Variants in OR4C46 observed in about 807,000 individuals in gnomAD.
The protein encoded by OR4C46 is olfactory receptor family 4 subfamily C member 46.
In OR4C46, 17 loss-of-function variants were observed where a neutral mutation model predicts 11.8. The observed-to-expected ratio is 1.44, with a 90% CI of 0.98 to 2.16. The LOEUF is 2.16. OR4C46 is among the 30% of genes most tolerant of loss of function. OR4C46 has a pLI of 0.00. For synonymous variants in OR4C46, 224 were observed against 137.6 expected (o/e 1.63, Z -4.39); for missense variants, 606 against 372.1 (o/e 1.63, Z -5.17).
Position 54,603,410 on chromosome 11 carries a change from T to A in OR4C46, c.589A>T (p.Ile197Phe). 6.2e-7 allele frequency: 1 copy of A among 1,613,750 alleles called. No homozygotes were observed. Among genetic ancestry groups the A allele is most frequent in the East Asian group, 2.2e-5 (1 of 44,844 alleles). Residue 197 changes from isoleucine to phenylalanine, a missense_variant, in exon 1 of 1, where the codon ATT becomes TTT. Coordinates refer to ENST00000328188, the MANE Select transcript of OR4C46 (RefSeq NM_001004703.1). ...CTDTHMLELF[I>F]AANSGFICLL... Reference sequence around the variant, plus strand: ...CAGATGAATCCACTGTTGGCAGCAATGAAGAGTTCCAGCATATGGGTGTCA... The same window carrying A: ...CAGATGAATCCACTGTTGGCAGCAAAGAAGAGTTCCAGCATATGGGTGTCA...
chr11:54,603,948 C>T lies in OR4C46; in HGVS notation c.51G>A (p.Glu17=). ...ATATGATTTTCTGCATCTTTGGATT[C>T]TCTGTAAGCCCCAGCAAAACAAACT... is the stretch of plus-strand genomic sequence containing the variant. ...MTEFVLLGLT[E]NPKMQKIIFV... Residue 17 remains glutamate (E), a synonymous_variant, in exon 1 of 1, where the codon GAG becomes GAA. Coordinates refer to ENST00000328188, the MANE Select transcript of OR4C46 (RefSeq NM_001004703.1). 6.2e-7 allele frequency: 1 copy of T among 1,613,772 alleles called. No individual in the cohort carries two copies. Among genetic ancestry groups the T allele is most frequent in the Non-Finnish European group, 8.5e-7 (1 of 1,179,772 alleles).
rs543950860 is a variant in OR4C46 at position 54,603,443 on chromosome 11, C to G, written c.556G>C (p.Ala186Pro). Reference protein sequence around the residue: ...MCDLNPLLNLACTDTHMLELF... With the variant: ...MCDLNPLLNLPCTDTHMLELF... The stretch of plus-strand genomic sequence containing the variant: ...TCCAGCATATGGGTGTCAGTGCAGG[C>G]GAGGTTGAGCAAAGGGTTCAGATCA... The change falls in exon 1 of 1, where the codon GCC (alanine) becomes CCC (proline). Residue 186 changes from alanine (A) to proline (P), a missense_variant. Coordinates refer to ENST00000328188, the MANE Select transcript of OR4C46 (RefSeq NM_001004703.1). 5 of 1,613,442 alleles carry G rather than the reference C, an allele frequency of 3.1e-6. No individual in the cohort carries two copies. The highest frequency in any genetic ancestry group is 2.7e-5 in the African/African-American group (2 of 74,808).
Position 54,603,141 on chromosome 11 carries a change from G to A in OR4C46, c.858C>T (p.Thr286=), listed in dbSNP as rs1290535674. Residue 286 remains threonine, a synonymous_variant, in exon 1 of 1, where the codon ACC becomes ACT. Transcript: ENST00000328188. ...ITPMLNPLIY[T]LKNAQMKNAI... ...CATTTTTCATCTGGGCATTCTTCAA[G>A]GTATAGATTAAGGGGTTTAACATAG... 13 of 1,463,370 alleles carry A rather than the reference G, an allele frequency of 8.9e-6. No homozygotes were observed. Among genetic ancestry groups the A allele is most frequent in the Non-Finnish European group, 1.2e-5 (13 of 1,048,206 alleles). The allele number at this position is 1,463,370 out of a possible 1,614,324, so 90.6% of individuals were successfully genotyped here. A position where few individuals can be genotyped will look rare whatever the true frequency, so the allele number is the denominator to read the frequency against.
Position 54,603,595 on chromosome 11 carries a change from T to C in OR4C46, c.404A>G (p.Asn135Ser). 1.2e-6 allele frequency: 2 copies of C among 1,614,066 alleles called. No individual in the cohort carries two copies. Among genetic ancestry groups the C allele is most frequent in the Non-Finnish European group, 1.7e-6 (2 of 1,179,962 alleles). Residue 135 changes from asparagine to serine, a missense_variant, in exon 1 of 1, where the codon AAC becomes AGC. Physicochemically the swap from Asn to Ser is conservative, Grantham distance 46. Transcript: ENST00000328188. ...CATTAGCAGGGCACACACACACTGG[T>C]TCATGATAGTCATATAGTGCAAGGG... Reference protein sequence around the residue: ...CKPLHYMTIMNQCVCALLMGV... With the variant: ...CKPLHYMTIMSQCVCALLMGV...
chr11:54,603,642 G>T lies in OR4C46; in HGVS notation c.357C>A (p.Asp119Glu), dbSNP rs760902808. 7 of 1,614,018 alleles carry T rather than the reference G, an allele frequency of 4.3e-6. No individual in the cohort carries two copies. Among genetic ancestry groups the T allele is most frequent in the Middle Eastern group, 3.3e-4 (2 of 6,058 alleles). Reference protein sequence around the residue: ...EGILLTVMAYDHYVAICKPLH... With the variant: ...EGILLTVMAYEHYVAICKPLH... ...AGGGCTTGCAGATGGCCACATAGTG[G>T]TCATAGGCCATCACAGTAAGTAGGA... Residue 119 changes from aspartate to glutamate, a missense_variant, in exon 1 of 1, where the codon GAC (aspartate) becomes GAA (glutamate). Coordinates refer to ENST00000328188, the MANE Select transcript of OR4C46 (RefSeq NM_001004703.1).
chr11:54,603,980 T>G lies in OR4C46; in HGVS notation c.19A>C (p.Met7Leu). The change falls in exon 1 of 1, where the codon ATG becomes CTG. Residue 7 changes from methionine (M) to leucine (L), a missense_variant. Met to Leu is a conservative substitution (Grantham distance 15, BLOSUM62 2). Coordinates refer to ENST00000328188, the MANE Select transcript of OR4C46 (RefSeq NM_001004703.1). MENRNN[M>L]TEFVLLGLTE... ...AGCCCCAGCAAAACAAACTCTGTCA[T>G]GTTATTCCTATTCTCCATGTATTTC... is the stretch of plus-strand genomic sequence containing the variant. 6.2e-7 allele frequency: 1 copy of G among 1,612,566 alleles called. No individual in the cohort carries two copies. The highest frequency in any genetic ancestry group is 8.5e-7 in the Non-Finnish European group (1 of 1,178,624).
Position 54,603,332 on chromosome 11 carries a change from G to T in OR4C46, c.667C>A (p.Leu223Ile). ...LVSYVVILCS[L>I]RTHSLEARHK... ...CTTGCCTCCAAGCTATGAGTCCTTA[G>T]GGAGCACAAGATGACCACATAGGAG... The change falls in exon 1 of 1, where the codon CTA (leucine) becomes ATA (isoleucine). Residue 223 changes from leucine (L) to isoleucine (I), a missense_variant. Transcript: ENST00000328188. 6.2e-7 allele frequency: 1 copy of T among 1,613,704 alleles called. No homozygotes were observed. Among genetic ancestry groups the T allele is most frequent in the Non-Finnish European group, 8.5e-7 (1 of 1,179,798 alleles).
At position 54,603,745 on chromosome 11, in the gene OR4C46, T is replaced by C. The variant is rs200615229; in HGVS notation, c.254A>G (p.Tyr85Cys). 59 of 1,613,824 alleles carry C rather than the reference T, an allele frequency of 3.7e-5. No homozygotes were observed. In the African/African-American group the frequency reaches 5.9e-4, roughly 16 times the overall value. ...ATTGAATAGGATGGCCTTCTTTCCA[T>C]AGAGTGAATGTGTGATCAGGTTAGG... The part of the protein sequence containing the change: ...NTPNLITHSL[Y>C]GKKAILFNGC... The change falls in exon 1 of 1, where the codon TAT becomes TGT. Residue 85 changes from tyrosine (Y) to cysteine (C), a missense_variant. Coordinates refer to ENST00000328188, the MANE Select transcript of OR4C46 (RefSeq NM_001004703.1).
In OR4C46 at chr11:54,603,223, G is replaced by T. The variant is rs756402712; in HGVS notation, c.776C>A (p.Pro259His). The change falls in exon 1 of 1, where the codon CCT becomes CAT. Residue 259 changes from proline (P) to histidine (H), a missense_variant. Coordinates refer to ENST00000328188, the MANE Select transcript of OR4C46 (RefSeq NM_001004703.1). ...TTTATCAATAGGTAAAGTAGCTGCA[G>T]GTCTCATGTACACAAATATGCAGGG... ...FVPCIFVYMR[P>H]AATLPIDKAV... 4.3e-6 allele frequency: 7 copies of T among 1,610,522 alleles called. No homozygotes were observed. The African/African-American group carries it at 5.3e-5, about 12-fold the overall frequency.
chr11:54,603,205 A>T lies in OR4C46; in HGVS notation c.794T>A (p.Ile265Asn), dbSNP rs1300116991. 2 of 1,605,354 alleles carry T rather than the reference A, an allele frequency of 1.2e-6. No individual in the cohort carries two copies. Among genetic ancestry groups the T allele is most frequent in the Admixed American group, 3.3e-5 (2 of 59,936 alleles). Reference protein sequence around the residue: ...VYMRPAATLPIDKAVAIFYTM... With the variant: ...VYMRPAATLPNDKAVAIFYTM... ...GTAGAATATAGCAACTGCTTTATCA[A>T]TAGGTAAAGTAGCTGCAGGTCTCAT... The change falls in exon 1 of 1, where the codon ATT becomes AAT. Residue 265 changes from isoleucine (I) to asparagine (N), a missense_variant. Physicochemically the swap from Ile to Asn is moderately radical, Grantham distance 149. Transcript: ENST00000328188.
Position 54,603,624 on chromosome 11 carries a change from G to T in OR4C46, c.375C>A (p.Cys125Ter), listed in dbSNP as rs752449130. 1.9e-6 allele frequency: 3 copies of T among 1,614,138 alleles called. No individual in the cohort carries two copies. Among genetic ancestry groups the T allele is most frequent in the South Asian group, 1.1e-5 (1 of 91,086 alleles). ...TGATAGTCATATAGTGCAAGGGCTTGCAGATGGCCACATAGTGGTCATAGG... is the reference window on the plus strand; with the variant it reads ...TGATAGTCATATAGTGCAAGGGCTTTCAGATGGCCACATAGTGGTCATAGG... Reference protein sequence around the residue: ...VMAYDHYVAICKPLHYMTIMN... With the variant: ...VMAYDHYVAI Residue 125 changes from cysteine to a stop codon, truncating the protein, a stop_gained, in exon 1 of 1, where the codon TGC (cysteine) becomes TGA (stop). Transcript: ENST00000328188. LOFTEE classifies it high-confidence loss of function.
In OR4C46 at chr11:54,603,602, T is replaced by C. The variant is rs762940293; in HGVS notation, c.397A>G (p.Ile133Val). 11 of 1,613,982 alleles carry C rather than the reference T, an allele frequency of 6.8e-6. 1 individual carries two copies. The South Asian group carries it at 9.9e-5, about 14-fold the overall frequency. The change falls in exon 1 of 1, where the codon ATC (isoleucine) becomes GTC (valine). Residue 133 changes from isoleucine to valine, a missense_variant. By Grantham distance (29) the Ile-to-Val change is conservative (BLOSUM62 3). Coordinates refer to ENST00000328188, the MANE Select transcript of OR4C46 (RefSeq NM_001004703.1). ...AGGGCACACACACACTGGTTCATGA[T>C]AGTCATATAGTGCAAGGGCTTGCAG... ...AICKPLHYMTIMNQCVCALLM... is the reference protein window; with the variant it reads ...AICKPLHYMTVMNQCVCALLM...
At position 54,603,814 on chromosome 11, in the gene OR4C46, G is replaced by T. The variant is rs777103481; in HGVS notation, c.185C>A (p.Ala62Asp). 4 of 1,613,570 alleles carry T rather than the reference G, an allele frequency of 2.5e-6. No homozygotes were observed. The highest frequency in any genetic ancestry group is 2.2e-5 in the East Asian group (1 of 44,874). ...GCAGGCATCAATAAAGGAGAGATAG[G>T]CCAGGGAAAGGTACATGGGGGACCC... ...SLGSPMYLSL[A>D]YLSFIDACYS... Residue 62 changes from alanine (A) to aspartate (D), a missense_variant, in exon 1 of 1, where the codon GCC (alanine) becomes GAC (aspartate). By Grantham distance (126) the Ala-to-Asp change is moderately radical. Coordinates refer to ENST00000328188, the MANE Select transcript of OR4C46 (RefSeq NM_001004703.1).
In OR4C46 at chr11:54,603,580, G is replaced by T. The variant is rs959220684; in HGVS notation, c.419C>A (p.Ala140Asp). The T allele has an allele frequency of 1.2e-6, 2 of 1,613,994 alleles. No individual in the cohort carries two copies. The highest frequency in any genetic ancestry group is 2.2e-5 in the South Asian group (2 of 91,060). The change falls in exon 1 of 1, where the codon GCC (alanine) becomes GAC (aspartate). Residue 140 changes from alanine to aspartate, a missense_variant. Transcript: ENST00000328188. Reference sequence around the variant, plus strand: ...CATCCACACCACTCCCATTAGCAGGGCACACACACACTGGTTCATGATAGT... The same window carrying T: ...CATCCACACCACTCCCATTAGCAGGTCACACACACACTGGTTCATGATAGT... ...YMTIMNQCVC[A>D]LLMGVVWMGG...
rs771873723 is a variant in OR4C46 at position 54,603,769 on chromosome 11, G to T, written c.230C>A (p.Pro77His). 16 of 1,613,618 alleles carry T rather than the reference G, an allele frequency of 9.9e-6. No individual in the cohort carries two copies. Among genetic ancestry groups the T allele is most frequent in the Middle Eastern group, 1.6e-4 (1 of 6,078 alleles). ...IDACYSSVNT[P>H]NLITHSLYGK... The stretch of plus-strand genomic sequence containing the variant: ...ATAGAGTGAATGTGTGATCAGGTTA[G>T]GGGTATTGACAGAGGAATAGCAGGC... Residue 77 changes from proline to histidine, a missense_variant, in exon 1 of 1, where the codon CCT becomes CAT. Coordinates refer to ENST00000328188, the MANE Select transcript of OR4C46 (RefSeq NM_001004703.1).
Position 54,603,563 on chromosome 11 carries a change from C to A in OR4C46, c.436G>T (p.Val146Leu), listed in dbSNP as rs774148661. Residue 146 changes from valine (V) to leucine (L), a missense_variant, in exon 1 of 1, where the codon GTG becomes TTG. Coordinates refer to ENST00000328188, the MANE Select transcript of OR4C46 (RefSeq NM_001004703.1). ...QCVCALLMGVVWMGGFLHATI... is the reference protein window; with the variant it reads ...QCVCALLMGVLWMGGFLHATI... ...GCATGAAGAAAGCCTCCCATCCACA[C>A]CACTCCCATTAGCAGGGCACACACA... The A allele has an allele frequency of 3.2e-5, 51 of 1,613,902 alleles. No homozygotes were observed. The highest frequency in any genetic ancestry group is 8.8e-5 in the South Asian group (8 of 91,078).
In OR4C46 at chr11:54,603,219, T is replaced by C; in HGVS notation, c.780A>G (p.Ala260=). 6.2e-7 allele frequency: 1 copy of C among 1,610,290 alleles called. No individual in the cohort carries two copies. The highest frequency in any genetic ancestry group is 8.5e-7 in the Non-Finnish European group (1 of 1,176,778). Residue 260 remains alanine (A), a synonymous_variant, in exon 1 of 1, where the codon GCA becomes GCG. Coordinates refer to ENST00000328188, the MANE Select transcript of OR4C46 (RefSeq NM_001004703.1). Reference sequence around the variant, plus strand: ...CTGCTTTATCAATAGGTAAAGTAGCTGCAGGTCTCATGTACACAAATATGC... The same window carrying C: ...CTGCTTTATCAATAGGTAAAGTAGCCGCAGGTCTCATGTACACAAATATGC... ...VPCIFVYMRP[A]ATLPIDKAVA...
In OR4C46 at chr11:54,603,339, C is replaced by A. The variant is rs770408589; in HGVS notation, c.660G>T (p.Leu220Phe). Residue 220 changes from leucine to phenylalanine, a missense_variant, in exon 1 of 1, where the codon TTG (leucine) becomes TTT (phenylalanine). Coordinates refer to ENST00000328188, the MANE Select transcript of OR4C46 (RefSeq NM_001004703.1). Reference sequence around the variant, plus strand: ...CCAAGCTATGAGTCCTTAGGGAGCACAAGATGACCACATAGGAGACCAGCA... The same window carrying A: ...CCAAGCTATGAGTCCTTAGGGAGCAAAAGATGACCACATAGGAGACCAGCA... ...ALLLVSYVVI[L>F]CSLRTHSLEA... is the part of the protein sequence containing the mutation. 1.2e-5 allele frequency: 19 copies of A among 1,613,652 alleles called. No individual in the cohort carries two copies. Among genetic ancestry groups the A allele is most frequent in the Non-Finnish European group, 1.6e-5 (19 of 1,179,824 alleles).
rs748963606 is a variant in OR4C46 at position 54,603,350 on chromosome 11, C to A, written c.649G>T (p.Val217Leu). The A allele has an allele frequency of 9.3e-6, 15 of 1,613,774 alleles. No individual in the cohort carries two copies. The highest frequency in any genetic ancestry group is 1.2e-5 in the Non-Finnish European group (14 of 1,179,852). The change falls in exon 1 of 1, where the codon GTG becomes TTG. Residue 217 changes from valine to leucine, a missense_variant. Coordinates refer to ENST00000328188, the MANE Select transcript of OR4C46 (RefSeq NM_001004703.1). ...LNFALLLVSY[V>L]VILCSLRTHS... ...GTCCTTAGGGAGCACAAGATGACCA[C>A]ATAGGAGACCAGCAGGAGGGCAAAG...
Sources: allele counts gnomAD v4.1 joint callset, GRCh38; gene constraint gnomAD v4.1.1; transcripts MANE v1.5; gene names NCBI Gene and HGNC (gene_info 2026-07-23, HGNC 2026-07-21).